The following MC2R variants were observed in gnomAD, a reference collection of about 807,000 sequenced individuals.
MC2R encodes the protein adrenocorticotropic hormone receptor.
In MC2R, 9 loss-of-function variants were observed where a neutral mutation model predicts 9.8. The observed-to-expected ratio is 0.92, with a 90% CI of 0.55 to 1.60. The LOEUF (loss-of-function observed/expected upper bound fraction) is 1.60, where lower values mean the gene tolerates loss of function less well. MC2R is among the 40% of genes most tolerant of loss of function. The pLI is 0.00. For synonymous variants in MC2R, 185 were observed against 154.7 expected (o/e 1.20, Z -1.45); for missense variants, 370 against 389.0 (o/e 0.95, Z 0.41).
intron 1 of MC2R, among the ~76,000 whole-genome samples, chr18:13,904,274 C>T (rs150345337): frequency 0.017 from 2,487 of 150,306 alleles, 69 homozygotes; most frequent in African/African-American, 0.055. Context: ...CCAGCTACTC[C>T]GGAGGCTGAG....
rs183733863 is a variant in MC2R at position 13,908,473 on chromosome 18, T to C, written c.-129+7015A>G. ...GTTTAATAAATCAGTAGGGTGACTA[T>C]AGTTTACAATAATCTATTGTACATT... On this transcript the variant is annotated intron_variant, in intron 1 of 1. Transcript: ENST00000327606. 1.2e-4 allele frequency among the ~76,000 whole-genome samples: 18 copies of C among 152,276 alleles called. No individual in the cohort carries two copies. The East Asian group carries it at 3.5e-3, about 29-fold the overall frequency.
Position 13,885,215 on chromosome 18 carries a change from C to T in MC2R, c.304G>A (p.Ala102Thr), listed in dbSNP as rs1598459557. ...LKPRGSFETT[A>T]DDIIDSLFVL... ...AACAGGGAGTCGATGATGTCATCGG[C>T]TGTGGTTTCAAAACTGCCACGTGGC... The change falls in exon 2 of 2, where the codon GCC becomes ACC. Residue 102 changes from alanine to threonine, a missense_variant. By Grantham distance (58) the Ala-to-Thr change is moderately conservative. Coordinates refer to ENST00000327606, the MANE Select transcript of MC2R (RefSeq NM_000529.2). 1.2e-6 allele frequency: 2 copies of T among 1,614,146 alleles called. No individual in the cohort carries two copies. Among genetic ancestry groups the T allele is most frequent in the Admixed American group, 1.7e-5 (1 of 60,022 alleles).
intron 1 of MC2R, among the ~76,000 whole-genome samples, chr18:13,889,223 C>T (rs1156784394): frequency 1.3e-5 from 2 of 152,170 alleles, no homozygotes; most frequent in African/African-American, 2.4e-5. Context: ...GTTATTGGAA[C>T]CTCTGGAGTT....
At chr18:13,912,801 T>A (rs2045452305) in intron 1 of MC2R, among the ~76,000 whole-genome samples, 1 of 152,216 alleles carries the variant, frequency 6.6e-6, no homozygotes, top group Non-Finnish European at 1.5e-5. Context: ...GAAGACTGGC[T>A]GCAGCCAGCA....
At position 13,884,663 on chromosome 18, in the gene MC2R, C is replaced by A; in HGVS notation, c.856G>T (p.Ala286Ser). 1 of 1,613,718 alleles carries A rather than the reference C, an allele frequency of 6.2e-7. No homozygotes were observed. Among genetic ancestry groups the A allele is most frequent in the Non-Finnish European group, 8.5e-7 (1 of 1,180,022 alleles). ...YAFRSPELRD[A>S]FKKMIFCSRY... ...CTGCAGAAGATCATCTTTTTGAATGCGTCCCTGAGCTCTGGGCTCCGGAAG... is the reference window on the plus strand; with the variant it reads ...CTGCAGAAGATCATCTTTTTGAATGAGTCCCTGAGCTCTGGGCTCCGGAAG... Residue 286 changes from alanine (A) to serine (S), a missense_variant, in exon 2 of 2, where the codon GCA (alanine) becomes TCA (serine). Physicochemically the swap from Ala to Ser is moderately conservative, Grantham distance 99. Coordinates refer to ENST00000327606, the MANE Select transcript of MC2R (RefSeq NM_000529.2).
chr18:13,914,640 A>G (rs2045466082), intron 1 of MC2R, among the ~76,000 whole-genome samples: 1 of 152,108 alleles, frequency 6.6e-6, no homozygotes, highest in South Asian at 2.1e-4. Flanking sequence ...GTGCACGTGT[A>G]TGTGTGTATA....
At chr18:13,912,746 T>C (rs2045451991) in intron 1 of MC2R, among the ~76,000 whole-genome samples, 1 of 152,196 alleles carries the variant, frequency 6.6e-6, no homozygotes, top group Non-Finnish European at 1.5e-5. Flanking sequence ...TCCTTGAACT[T>C]ACTGATGTTG....
At chr18:13,906,503 C>A (rs938283686) in intron 1 of MC2R, among the ~76,000 whole-genome samples, 2 of 152,020 alleles carry the variant, frequency 1.3e-5, no homozygotes, top group African/African-American at 4.8e-5. Flanking sequence ...TACATGTATA[C>A]CTATGTAACA....
At chr18:13,905,253 A>G (rs1237561476) in intron 1 of MC2R, among the ~76,000 whole-genome samples, 1 of 152,036 alleles carries the variant, frequency 6.6e-6, no homozygotes, top group African/African-American at 2.4e-5. Flanking sequence ...AAAAGAAGAC[A>G]TTTATGCGGC....
intron 1 of MC2R, among the ~76,000 whole-genome samples, chr18:13,903,474 A>T (rs1285998398): frequency 1.3e-5 from 2 of 152,248 alleles, no homozygotes; most frequent in Non-Finnish European, 2.9e-5. Context: ...GGATAAAGAA[A>T]ATATGGTACA....
rs373074499 is a variant in MC2R at position 13,885,396 on chromosome 18, C to T, written c.123G>A (p.Glu41=). 72 of 1,613,962 alleles carry T rather than the reference C, an allele frequency of 4.5e-5. No individual in the cohort carries two copies. Among genetic ancestry groups the T allele is most frequent in the Non-Finnish European group, 5.7e-5 (67 of 1,179,924 alleles). The change falls in exon 2 of 2, where the codon GAG becomes GAA. Residue 41 remains glutamate (E), a synonymous_variant. Transcript: ENST00000327606. The part of the protein sequence containing the change: ...FFTISIVGVL[E]NLIVLLAVFK... ...ACACAGCCAGCAGGACGATCAGATT[C>T]TCCAAAACTCCAACAATGGAAATTG...
chr18:13,884,979 C>A lies in MC2R; in HGVS notation c.540G>T (p.Ser180=). 6.2e-7 allele frequency: 1 copy of A among 1,614,084 alleles called. No individual in the cohort carries two copies. The highest frequency in any genetic ancestry group is 1.1e-5 in the South Asian group (1 of 91,058). The change falls in exon 2 of 2, where the codon TCG becomes TCT. Residue 180 remains serine, a synonymous_variant. Coordinates refer to ENST00000327606, the MANE Select transcript of MC2R (RefSeq NM_000529.2). ...HHVPTVITFT[S]LFPLMLVFIL... Reference sequence around the variant, plus strand: ...TGAAGACCAGCATCAGCGGGAACAGCGACGTGAAGGTGATCACTGTGGGCA... The same window carrying A: ...TGAAGACCAGCATCAGCGGGAACAGAGACGTGAAGGTGATCACTGTGGGCA...
chr18:13,894,166 A>ATG (rs2045333143), intron 1 of MC2R, among the ~76,000 whole-genome samples: 4 of 151,458 alleles, frequency 2.6e-5, no homozygotes, highest in African/African-American at 7.3e-5. Flanking sequence ...GTGTGCGTGC[A>ATG]TGTGTGTGTG....
chr18:13,888,529 A>G (rs1318275971), intron 1 of MC2R, among the ~76,000 whole-genome samples: 1 of 152,248 alleles, frequency 6.6e-6, no homozygotes, highest in East Asian at 1.9e-4. Flanking sequence ...TGGAGAGGAT[A>G]CAGCAGAGCC....
rs750272002 is a variant in MC2R, at chr18:13,885,499, G to A, written c.20C>T (p.Ser7Leu). Residue 7 changes from serine (S) to leucine (L), a missense_variant, in exon 2 of 2, where the codon TCG becomes TTG. By Grantham distance (145) the Ser-to-Leu change is moderately radical (BLOSUM62 -2). Coordinates refer to ENST00000327606, the MANE Select transcript of MC2R (RefSeq NM_000529.2). Reference protein sequence around the residue: MKHIINSYENINNTARN... With the variant: MKHIINLYENINNTARN... ...TGCTGTGTTGTTGATGTTTTCATAC[G>A]AGTTGATAATGTGCTTCATTTCTCC... 3.7e-5 allele frequency: 59 copies of A among 1,614,014 alleles called. No homozygotes were observed. The highest frequency in any genetic ancestry group is 4.5e-5 in the Non-Finnish European group (53 of 1,180,044).
chr18:13,910,681 G>T (rs1369695737), intron 1 of MC2R, among the ~76,000 whole-genome samples: 5 of 152,200 alleles, frequency 3.3e-5, no homozygotes, highest in African/African-American at 1.2e-4. Context: ...CTGACCAGGG[G>T]CTGCTGGTCC....
intron 1 of MC2R, among the ~76,000 whole-genome samples, chr18:13,902,587 G>A (rs1376353596): frequency 6.6e-6 from 1 of 152,112 alleles, no homozygotes; most frequent in Non-Finnish European, 1.5e-5. Flanking sequence ...AACATGCAAT[G>A]GGGGATAGAC....
At chr18:13,893,197 G>A (rs752724716) in intron 1 of MC2R, among the ~76,000 whole-genome samples, 8 of 152,044 alleles carry the variant, frequency 5.3e-5, no homozygotes, top group Non-Finnish European at 8.8e-5. Flanking sequence ...AATTCTGAAC[G>A]ACATCCGGAA....
At chr18:13,895,077 G>A (rs748345436) in intron 1 of MC2R, among the ~76,000 whole-genome samples, 37 of 152,264 alleles carry the variant, frequency 2.4e-4, no homozygotes, top group African/African-American at 8.7e-4. Flanking sequence ...GTATCTTCCC[G>A]GGTAACTGAG....
Sources: gnomAD v4.1 joint callset for allele counts (sites outside exome capture counted in the v4.1 genomes callset) on GRCh38, gnomAD v4.1.1 for gene constraint, MANE v1.5 for transcripts, NCBI Gene and HGNC (gene_info 2026-07-23, HGNC 2026-07-21) for gene names.